UBE3C: variants seen among roughly 807,000 people sequenced by gnomAD.
UBE3C encodes ubiquitin protein ligase E3C.
UBE3C carries 42 observed loss-of-function variants against 129.4 expected under a neutral mutation model. The observed-to-expected ratio is 0.32, with a 90% CI of 0.25 to 0.42. The LOEUF is 0.42. UBE3C is among the 10% of genes least tolerant of loss of function. The pLI, the probability that UBE3C is intolerant of heterozygous loss-of-function variation, is 1.00. For missense variants in UBE3C, 1,049 were observed against 1,319.1 expected (o/e 0.80, Z 3.17); for synonymous variants, 510 against 492.4 (o/e 1.04, Z -0.47).
chr7:157,157,217 A>C (rs952611295), intron 1 of UBE3C, among the ~76,000 whole-genome samples: 1 of 152,174 alleles, frequency 6.6e-6, no homozygotes, highest in Admixed American at 6.5e-5. Context: ...AGTGATGTGG[A>C]CGGTAATAGT....
chr7:157,200,842 C>T (rs1388164582), intron 10 of UBE3C, among the ~76,000 whole-genome samples: 1 of 152,122 alleles, frequency 6.6e-6, no homozygotes, highest in Non-Finnish European at 1.5e-5. Context: ...TCTCAAACTC[C>T]TAGGCTGAAG....
At chr7:157,169,767 T>G (rs1457608889) in intron 3 of UBE3C, among the ~76,000 whole-genome samples, 1 of 152,152 alleles carries the variant, frequency 6.6e-6, no homozygotes, top group Non-Finnish European at 1.5e-5. Flanking sequence ...CTGCAAGCTC[T>G]GCCCCCAGGT....
At chr7:157,174,196 T>C (rs1238400033) in intron 4 of UBE3C, among the ~76,000 whole-genome samples, 1 of 152,110 alleles carries the variant, frequency 6.6e-6, no homozygotes, top group Non-Finnish European at 1.5e-5. Flanking sequence ...ACCCCGCCCC[T>C]ACTAAAAATA....
chr7:157,249,958 T>C (rs906235632), intron 19 of UBE3C, among the ~76,000 whole-genome samples: 6 of 152,208 alleles, frequency 3.9e-5, no homozygotes, highest in African/African-American at 1.2e-4. Context: ...ATTTCAGGTT[T>C]TTGGATTAAG....
intron 15 of UBE3C, 188 bp downstream of exon 15, chr7:157,220,964 C>T: frequency 1.8e-6 from 1 of 570,624 alleles, no homozygotes; most frequent in Non-Finnish European, 3.0e-6. Context: ...ACCTCTTCAG[C>T]AGCCACCCAT....
chr7:157,179,650 C>G (rs1254270554), intron 6 of UBE3C, among the ~76,000 whole-genome samples: 5 of 152,182 alleles, frequency 3.3e-5, no homozygotes, highest in African/African-American at 7.2e-5. Context: ...GTGCGTGAGA[C>G]TAGTTGTGAA....
chr7:157,231,591 A>G, intron 18 of UBE3C: 1 of 439,958 alleles, frequency 2.3e-6, no homozygotes, highest in Non-Finnish European at 4.1e-6. Context: ...TGATTAGATC[A>G]TGTGAGCTCG....
chr7:157,142,691 G>A (rs79989576), intron 1 of UBE3C, among the ~76,000 whole-genome samples: 1,984 of 152,158 alleles, frequency 0.013, 33 homozygotes, highest in South Asian at 0.047. Flanking sequence ...GACTACTAGA[G>A]GGGGAAAGAG....
chr7:157,221,036 A>C (rs1795722913), intron 15 of UBE3C: 1 of 365,556 alleles, frequency 2.7e-6, no homozygotes, highest in Non-Finnish European at 5.2e-6. Context: ...CATGCTGTGT[A>C]GTCTGCTCCT....
intron 14 of UBE3C, among the ~76,000 whole-genome samples, chr7:157,219,759 C>T (rs1473546245): frequency 1.3e-5 from 2 of 152,100 alleles, no homozygotes; most frequent in East Asian, 1.9e-4. Flanking sequence ...GTTAGCCAGG[C>T]ATAGTGGCAT....
At chr7:157,141,710 T>C (rs986873573) in intron 1 of UBE3C, among the ~76,000 whole-genome samples, 3 of 152,208 alleles carry the variant, frequency 2.0e-5, no homozygotes, top group African/African-American at 7.2e-5. Context: ...TGACTGTCCT[T>C]CTGACCTCCA....
intron 10 of UBE3C, among the ~76,000 whole-genome samples, chr7:157,195,471 C>T (rs1224884466): frequency 3.9e-5 from 6 of 152,196 alleles, no homozygotes; most frequent in Non-Finnish European, 7.3e-5. Context: ...AGATTACTCC[C>T]AGGCCTTGAA....
chr7:157,211,824 G>T (rs1169692338), intron 13 of UBE3C, among the ~76,000 whole-genome samples: 1 of 152,142 alleles, frequency 6.6e-6, no homozygotes, highest in Non-Finnish European at 1.5e-5. Context: ...CACACAGGGT[G>T]CCTGTTCCTG....
Position 157,257,737 on chromosome 7 carries a change from G to A in UBE3C, c.3081+693G>A, listed in dbSNP as rs1335992201. Among the ~76,000 whole-genome samples, 36 of 50,344 alleles carry A rather than the reference G, an allele frequency of 7.2e-4. No individual in the cohort carries two copies. In the South Asian group the frequency reaches 0.014, roughly 20 times the overall value. The allele number at this position is 50,344 out of a possible 152,430, so 33.0% of individuals were successfully genotyped here. A position where few individuals can be genotyped will look rare whatever the true frequency, so the allele number is the denominator to read the frequency against. On this transcript the variant is annotated intron_variant, in intron 22 of 22. Coordinates refer to ENST00000348165, the MANE Select transcript of UBE3C (RefSeq NM_014671.3). ...AGCCTGGGTGACAGAGTGAGACCCT[G>A]TCTCCAAAAAAAAAAAAAAAAAAAA...
In UBE3C at chr7:157,166,128, T is replaced by C. The variant is rs535527166; in HGVS notation, c.120+2265T>C. ...TTTGACCTTGGTGTTACCAATACTT[T>C]GAATATTTTATTGCTTTATGTTATC... On this transcript the variant is annotated intron_variant, in intron 2 of 22. Coordinates refer to ENST00000348165, the MANE Select transcript of UBE3C (RefSeq NM_014671.3). 1.9e-4 allele frequency among the ~76,000 whole-genome samples: 29 copies of C among 152,356 alleles called. 1 individual carries two copies. The South Asian group carries it at 5.8e-3, about 30-fold the overall frequency.
At chr7:157,207,325 A>T (rs1325793790) in intron 11 of UBE3C, 73 bp from the exon 12 acceptor site, 11 of 1,547,272 alleles carry the variant, frequency 7.1e-6, no homozygotes, top group Non-Finnish European at 8.7e-6. Flanking sequence ...GTTTGATGTT[A>T]TGTTTTAATT....
chr7:157,244,158 A>G (rs1216525160), intron 18 of UBE3C, among the ~76,000 whole-genome samples: 1 of 152,136 alleles, frequency 6.6e-6, no homozygotes, highest in Non-Finnish European at 1.5e-5. Flanking sequence ...TGAACCCAGG[A>G]GGCGGAGGTT....
chr7:157,267,031 C>T (rs904765572), intron 22 of UBE3C, among the ~76,000 whole-genome samples: 3 of 152,152 alleles, frequency 2.0e-5, no homozygotes, highest in Non-Finnish European at 4.4e-5. Context: ...GTGAGCTATG[C>T]GCCTGGCCTG....
At chr7:157,248,125 C>T (rs1175113086) in intron 18 of UBE3C, among the ~76,000 whole-genome samples, 2 of 152,162 alleles carry the variant, frequency 1.3e-5, no homozygotes, top group East Asian at 1.9e-4. Context: ...CATAATTCCA[C>T]GATTTCGCTC....
Sources: gnomAD v4.1 joint callset for allele counts (sites outside exome capture counted in the v4.1 genomes callset) on GRCh38, gnomAD v4.1.1 for gene constraint, MANE v1.5 for transcripts, NCBI Gene and HGNC (gene_info 2026-07-23, HGNC 2026-07-21) for gene names.